The following LPXN variants were observed in gnomAD, a reference collection of about 807,000 sequenced individuals.
The protein encoded by LPXN is leupaxin.
LPXN carries 28 observed loss-of-function variants against 45.6 expected under a neutral mutation model. The ratio of observed to expected loss-of-function variants is 0.61; its 90% CI spans 0.45 to 0.84. The LOEUF (loss-of-function observed/expected upper bound fraction) is 0.84, where lower values mean the gene tolerates loss of function less well. Among genes scored for constraint, LPXN ranks in the 40% least tolerant of loss-of-function variants. The probability of loss-of-function intolerance (pLI) is 0.00; values close to 1 mark genes in which losing one functional copy is unlikely to be tolerated. For synonymous variants in LPXN, 166 were observed against 169.9 expected (o/e 0.98, Z 0.18); for missense variants, 459 against 475.0 (o/e 0.97, Z 0.31).
intron 7 of LPXN, among the ~76,000 whole-genome samples, chr11:58,547,626 G>C (rs1465420265): frequency 6.6e-6 from 1 of 152,172 alleles, no homozygotes; most frequent in Non-Finnish European, 1.5e-5. Context: ...TCAGGAGAGA[G>C]GAAAGGCCAT....
intron 7 of LPXN, among the ~76,000 whole-genome samples, chr11:58,542,883 A>G (rs1444036326): frequency 6.6e-6 from 1 of 152,168 alleles, no homozygotes; most frequent in East Asian, 1.9e-4. Flanking sequence ...TAATAGGGTA[A>G]TAAGTTAAAA....
intron 7 of LPXN, among the ~76,000 whole-genome samples, chr11:58,536,697 T>A (rs1381077035): frequency 6.6e-6 from 1 of 151,670 alleles, no homozygotes; most frequent in South Asian, 2.1e-4. Context: ...CACAGCAAAA[T>A]AAACTATCAT....
chr11:58,548,125 T>C (rs1038433654), intron 7 of LPXN, among the ~76,000 whole-genome samples: 1 of 152,148 alleles, frequency 6.6e-6, no homozygotes, highest in African/African-American at 2.4e-5. Context: ...GAAAATAGTT[T>C]CCACTTAGAA....
chr11:58,575,851 G>C lies in LPXN; in HGVS notation c.-79C>G, dbSNP rs137856485. 8.1e-3 allele frequency: 13,029 copies of C among 1,613,920 alleles called. 73 individuals are homozygous for C. The highest frequency in any genetic ancestry group is 9.9e-3 in the Non-Finnish European group (11,637 of 1,179,908). ...ATGTGCTGAAGAAGAGGACCGCAAA[G>C]GAACTGGATGAGACAGCATAAGGCA... On this transcript the variant is annotated 5_prime_UTR_variant, in exon 1 of 9. Coordinates refer to ENST00000395074, the MANE Select transcript of LPXN (RefSeq NM_004811.3).
chr11:58,527,363 C>T lies in LPXN; in HGVS notation c.*91G>A. ...TTCCTTTTTCTATAAGACTATTAAG[C>T]AGAAGGTCAGTAACAGAAAATTTAC... is the stretch of plus-strand genomic sequence containing the variant. On this transcript the variant is annotated 3_prime_UTR_variant, in exon 9 of 9. Coordinates refer to ENST00000395074, the MANE Select transcript of LPXN (RefSeq NM_004811.3). 1.5e-6 allele frequency: 2 copies of T among 1,343,776 alleles called. No individual in the cohort carries two copies. Among genetic ancestry groups the T allele is most frequent in the African/African-American group, 2.9e-5 (2 of 69,042 alleles). The allele number at this position is 1,343,776 out of a possible 1,614,324, so 83.2% of individuals were successfully genotyped here.
intron 7 of LPXN, among the ~76,000 whole-genome samples, chr11:58,537,161 G>T (rs573827658): frequency 4.0e-4 from 61 of 152,278 alleles, no homozygotes; most frequent in African/African-American, 1.5e-3. Context: ...CCATTACTGG[G>T]TATATACCCA....
intron 3 of LPXN, among the ~76,000 whole-genome samples, chr11:58,560,390 A>G (rs768108102): frequency 2.0e-5 from 3 of 152,244 alleles, no homozygotes; most frequent in Non-Finnish European, 2.9e-5. Flanking sequence ...AGTGTAGAAA[A>G]TTTGAAAACT....
At position 58,528,307 on chromosome 11, in the gene LPXN, C is replaced by T. The variant is rs886767449; in HGVS notation, c.743-116G>A. 3.5e-5 allele frequency: 33 copies of T among 932,812 alleles called. No homozygotes were observed. In the African/African-American group the frequency reaches 5.1e-4, roughly 14 times the overall value. The allele number at this position is 932,812 out of a possible 1,614,324, so 57.8% of individuals were successfully genotyped here. On this transcript the variant is annotated intron_variant, in intron 7 of 8. Coordinates refer to ENST00000395074, the MANE Select transcript of LPXN (RefSeq NM_004811.3). ...CCTCATATTCAAAATAGGATGATTA[C>T]TGTTACCTAATTCAAAGGGTAGTTG...
chr11:58,548,887 T>G (rs989778590), intron 7 of LPXN, among the ~76,000 whole-genome samples: 1 of 152,114 alleles, frequency 6.6e-6, no homozygotes, highest in African/African-American at 2.4e-5. Flanking sequence ...GTGAGCAGTA[T>G]TCTATGATTG....
At chr11:58,578,618 G>A (rs1236430618), upstream of LPXN, among the ~76,000 whole-genome samples, 3 of 152,192 alleles carry the variant, frequency 2.0e-5, no homozygotes, top group Non-Finnish European at 4.4e-5. Flanking sequence ...GCCAAAGACA[G>A]GAAAGTGGGG....
At chr11:58,540,906 C>G (rs541578447) in intron 7 of LPXN, among the ~76,000 whole-genome samples, 3 of 152,238 alleles carry the variant, frequency 2.0e-5, no homozygotes, top group African/African-American at 7.2e-5. Flanking sequence ...ACTATCTGAT[C>G]TTTGACAAAC....
In LPXN at chr11:58,534,514, A is replaced by G. The variant is rs1853489794; in HGVS notation, c.743-6323T>C. 3.3e-5 allele frequency among the ~76,000 whole-genome samples: 5 copies of G among 152,366 alleles called. No homozygotes were observed. In the South Asian group the frequency reaches 1.0e-3, roughly 32 times the overall value. Reference sequence around the variant, plus strand: ...CAAAGTACCAGAATCTCTGGGACACATTTAAAGCAGTGTGTAGAGGGAAAT... The same window carrying G: ...CAAAGTACCAGAATCTCTGGGACACGTTTAAAGCAGTGTGTAGAGGGAAAT... On this transcript the variant is annotated intron_variant, in intron 7 of 8. Coordinates refer to ENST00000395074, the MANE Select transcript of LPXN (RefSeq NM_004811.3).
At chr11:58,571,536 G>T (rs1854699302) in intron 1 of LPXN, among the ~76,000 whole-genome samples, 1 of 151,718 alleles carries the variant, frequency 6.6e-6, no homozygotes, top group African/African-American at 2.4e-5. Context: ...TCAAAGCAAG[G>T]TATAAGTATC....
At chr11:58,538,235 G>A (rs559808460) in intron 7 of LPXN, among the ~76,000 whole-genome samples, 141 of 152,228 alleles carry the variant, frequency 9.3e-4, no homozygotes, top group Middle Eastern at 6.8e-3. Flanking sequence ...ATAAACATAC[G>A]TGTGCATGTG....
At chr11:58,539,719 T>C (rs1853657984) in intron 7 of LPXN, among the ~76,000 whole-genome samples, 1 of 152,198 alleles carries the variant, frequency 6.6e-6, no homozygotes, top group African/African-American at 2.4e-5. Flanking sequence ...AACCCATTCA[T>C]TACCCTTATA....
chr11:58,555,960 A>G (rs1357836796), intron 3 of LPXN, among the ~76,000 whole-genome samples: 1 of 152,164 alleles, frequency 6.6e-6, no homozygotes, highest in Non-Finnish European at 1.5e-5. Flanking sequence ...AATTAGTGAA[A>G]CAGAAAACAA....
intron 3 of LPXN, among the ~76,000 whole-genome samples, chr11:58,557,021 A>G (rs1366241335): frequency 6.6e-6 from 1 of 152,236 alleles, no homozygotes; most frequent in African/African-American, 2.4e-5. Flanking sequence ...ACAGATGGCT[A>G]TTCTCAAAAA....
intron 2 of LPXN, among the ~76,000 whole-genome samples, chr11:58,569,504 T>G (rs781152698): frequency 1.3e-4 from 20 of 151,998 alleles, no homozygotes; most frequent in Non-Finnish European, 2.6e-4. Flanking sequence ...TCCTCCTGCT[T>G]CAGCCACCTG....
rs202023194 is a variant in LPXN at position 58,564,192 on chromosome 11, C to T, written c.181G>A (p.Val61Met). ...DNTSPLPAQLVYTTNIQELNV... is the reference protein window; with the variant it reads ...DNTSPLPAQLMYTTNIQELNV... Reference sequence around the variant, plus strand: ...AGCTCCTGGATATTGGTAGTATACACGAGCTGCGCCTAAGATATATAAGTG... The same window carrying T: ...AGCTCCTGGATATTGGTAGTATACATGAGCTGCGCCTAAGATATATAAGTG... The change falls in exon 3 of 9, where the codon GTG becomes ATG. Residue 61 changes from valine (V) to methionine (M), a missense_variant. By Grantham distance (21) the Val-to-Met change is conservative. Transcript: ENST00000395074. 95 of 1,603,426 alleles carry T rather than the reference C, an allele frequency of 5.9e-5. No individual in the cohort carries two copies. The highest frequency in any genetic ancestry group is 1.5e-4 in the African/African-American group (11 of 74,346).
Sources: gnomAD v4.1 joint callset for allele counts (sites outside exome capture counted in the v4.1 genomes callset) on GRCh38, gnomAD v4.1.1 for gene constraint, MANE v1.5 for transcripts, NCBI Gene and HGNC (gene_info 2026-07-23, HGNC 2026-07-21) for gene names.